The following TENM2 variants were observed in gnomAD, a reference collection of about 807,000 sequenced individuals.
TENM2 encodes the protein teneurin-2.
Under a neutral mutation model 245.2 loss-of-function variants are expected in TENM2, and 52 were observed. The observed-to-expected ratio is 0.21, with a 90% CI of 0.17 to 0.27. TENM2 has a LOEUF of 0.27. Ranked by LOEUF, TENM2 falls within the 10% of genes least tolerant of loss-of-function variation. The pLI is 1.00. For synonymous variants in TENM2, 1,363 were observed against 1,438.9 expected (o/e 0.95, Z 1.19); for missense variants, 3,046 against 3,666.8 (o/e 0.83, Z 4.37).
At chr5:167,588,757 A>G (rs1455172901) in intron 2 of TENM2, among the ~76,000 whole-genome samples, 4 of 152,238 alleles carry the variant, frequency 2.6e-5, no homozygotes, top group Non-Finnish European at 5.9e-5. Flanking sequence ...CCTATGTAGA[A>G]TTACTGGTTT....
At chr5:167,222,911 A>G in the TENM2 span, among the ~76,000 whole-genome samples, 2 of 152,264 alleles carry the variant, frequency 1.3e-5, no homozygotes, top group East Asian at 3.9e-4. Flanking sequence ...TGTCCTTTCT[A>G]TGTGCATGCC....
At chr5:167,484,054 T>A (rs1330097861) in intron 2 of TENM2, among the ~76,000 whole-genome samples, 1 of 152,030 alleles carries the variant, frequency 6.6e-6, no homozygotes, top group Non-Finnish European at 1.5e-5. Flanking sequence ...AAATTTAGAG[T>A]CATTTTGTGC....
chr5:167,164,198 G>A, the TENM2 span, among the ~76,000 whole-genome samples: 4 of 152,192 alleles, frequency 2.6e-5, no homozygotes, highest in African/African-American at 9.7e-5. Context: ...ACCAAAATGA[G>A]ATTTGGAAGA....
the TENM2 span, among the ~76,000 whole-genome samples, chr5:167,271,098 T>C: frequency 6.6e-6 from 1 of 152,136 alleles, no homozygotes; most frequent in African/African-American, 2.4e-5. Flanking sequence ...AGGGGCACAT[T>C]CAATGGAATG....
intron 2 of TENM2, among the ~76,000 whole-genome samples, chr5:167,751,822 G>A (rs1333265749): frequency 1.2e-4 from 18 of 152,002 alleles, no homozygotes; most frequent in Non-Finnish European, 2.2e-4. Context: ...GGTTATATAT[G>A]TAATTCCCTT....
chr5:168,090,618 G>A (rs373755618), exon 8 of TENM2: 4 of 1,612,992 alleles, frequency 2.5e-6, no homozygotes, highest in African/African-American at 2.7e-5. Context: ...AGTGGAGTGT[G>A]GTTGAGTCTC....
At position 168,218,208 on chromosome 5, in the gene TENM2, A is replaced by C; in HGVS notation, c.4317A>C (p.Arg1439=). The C allele has an allele frequency of 6.2e-7, 1 of 1,613,822 alleles. No individual in the cohort carries two copies. The highest frequency in any genetic ancestry group is 8.5e-7 in the Non-Finnish European group (1 of 1,179,860). The change falls in exon 23 of 29, where the codon CGA becomes CGC. Residue 1439 remains arginine, a synonymous_variant. Transcript: ENST00000518659. This position sits in a 1 kb window ranked among gnomAD's most constrained non-coding sequence, Gnocchi z 5.2. ...TTCTAGAGAACAATGTCATCCTTCG[A>C]ATCACCGAGAACCACCAAGTCAGCA...
intron 1 of TENM2, among the ~76,000 whole-genome samples, chr5:167,325,835 TATAGTC>T (rs1301831542): frequency 2.0e-5 from 3 of 152,202 alleles, no homozygotes; most frequent in African/African-American, 7.2e-5. Flanking sequence ...GCCCTGAACT[TATAGTC>T]TATAGTTGAG....
chr5:167,479,004 G>GTGTA (rs1381368449), intron 2 of TENM2, among the ~76,000 whole-genome samples: 1 of 151,838 alleles, frequency 6.6e-6, no homozygotes, highest in South Asian at 2.1e-4. Context: ...GTGTGTGTGT[G>GTGTA]TATACAGGTA....
chr5:167,158,579 G>T, the TENM2 span, among the ~76,000 whole-genome samples: 1 of 152,138 alleles, frequency 6.6e-6, no homozygotes, highest in Non-Finnish European at 1.5e-5. Flanking sequence ...AGCTGATCTG[G>T]TGCAGTCTGG....
the TENM2 span, among the ~76,000 whole-genome samples, chr5:167,178,260 G>A: frequency 4.4e-4 from 67 of 152,244 alleles, no homozygotes; most frequent in Middle Eastern, 3.4e-3. Flanking sequence ...AAAGTGAAGC[G>A]TCTTGGACCA....
the TENM2 span, among the ~76,000 whole-genome samples, chr5:167,228,681 G>A: frequency 6.6e-6 from 1 of 151,014 alleles, no homozygotes; most frequent in African/African-American, 2.4e-5. Flanking sequence ...TAATCTGGAC[G>A]TCTGGTGTAA....
chr5:167,793,828 TA>T (rs199764642), intron 2 of TENM2, among the ~76,000 whole-genome samples: 182 of 124,164 alleles, frequency 1.5e-3, no homozygotes, highest in Admixed American at 2.0e-3. Flanking sequence ...AAACCCTGTC[TA>T]AAAAAAAAAA....
intron 2 of TENM2, among the ~76,000 whole-genome samples, chr5:167,542,403 G>A (rs1405074185): frequency 6.6e-6 from 1 of 152,066 alleles, no homozygotes; most frequent in Non-Finnish European, 1.5e-5. Context: ...GTATGTATCT[G>A]TACATCATGT....
rs139005713 is a variant in TENM2 at position 167,700,779 on chromosome 5, G to A, written c.503-175207G>A. Among the ~76,000 whole-genome samples the A allele has an allele frequency of 2.9e-3, 447 of 151,992 alleles. 2 individuals carry two copies. Among genetic ancestry groups the A allele is most frequent in the African/African-American group, 0.01 (425 of 41,442 alleles). ...CAGTTGATTGTGGATATCACAATTC[G>A]GTCCATCTTGAAGTGGTATGTTTTG... On this transcript the variant is annotated intron_variant, in intron 2 of 28. Coordinates refer to ENST00000518659, the Ensembl canonical transcript of TENM2.
the TENM2 span, among the ~76,000 whole-genome samples, chr5:167,037,857 G>A: frequency 6.6e-6 from 1 of 152,166 alleles, no homozygotes; most frequent in Non-Finnish European, 1.5e-5. Flanking sequence ...CAGTCTCTTA[G>A]GCACAGAGGG....
chr5:167,321,531 C>T (rs967001579), intron 1 of TENM2, among the ~76,000 whole-genome samples: 2 of 152,090 alleles, frequency 1.3e-5, no homozygotes, highest in African/African-American at 2.4e-5. Flanking sequence ...TCTGCTCTAA[C>T]GTTCCTTAAC....
chr5:167,363,418 A>T (rs1759830360), intron 1 of TENM2, among the ~76,000 whole-genome samples: 1 of 152,166 alleles, frequency 6.6e-6, no homozygotes, highest in South Asian at 2.1e-4. Context: ...ATAAACCAAC[A>T]TATCTAAAAT....
At chr5:167,705,965 T>TTATA (rs368174120) in intron 2 of TENM2, among the ~76,000 whole-genome samples, 1,373 of 119,818 alleles carry the variant, frequency 0.011, 13 homozygotes, top group Non-Finnish European at 0.014. Context: ...CAAGGCTGGG[T>TTATA]TATATATATA....
Sources: allele counts gnomAD v4.1 joint callset (sites outside exome capture counted in the v4.1 genomes callset), GRCh38; gene constraint gnomAD v4.1.1; non-coding constraint Gnocchi (gnomAD v3.1); transcripts MANE v1.5; gene names NCBI Gene and HGNC (gene_info 2026-07-23, HGNC 2026-07-21).